TRPC4: variants seen among roughly 807,000 people sequenced by gnomAD.
The protein encoded by TRPC4 is short transient receptor potential channel 4.
TRPC4 carries 49 observed loss-of-function variants against 99.4 expected under a neutral mutation model. The ratio of observed to expected loss-of-function variants is 0.49; its 90% CI spans 0.39 to 0.63. The LOEUF (loss-of-function observed/expected upper bound fraction) is 0.63. TRPC4 is among the 20% of genes least tolerant of loss of function. The probability of loss-of-function intolerance (pLI) is 0.00; values close to 1 mark genes in which losing one functional copy is unlikely to be tolerated. For missense variants in TRPC4, 898 were observed against 1,152.9 expected (o/e 0.78, Z 3.20); for synonymous variants, 454 against 425.9 (o/e 1.07, Z -0.81).
intron 1 of TRPC4, among the ~76,000 whole-genome samples, chr13:37,804,733 C>T (rs977361556): frequency 5.3e-5 from 8 of 151,920 alleles, no homozygotes; most frequent in African/African-American, 1.4e-4. Context: ...GTACATAATG[C>T]GTTACTGTTT....
chr13:37,839,925 CA>C (rs1958686990), intron 1 of TRPC4, among the ~76,000 whole-genome samples: 1 of 152,092 alleles, frequency 6.6e-6, no homozygotes, highest in Non-Finnish European at 1.5e-5. Flanking sequence ...ATCCTCCTGC[CA>C]TAATTTACTG....
intron 1 of TRPC4, among the ~76,000 whole-genome samples, chr13:37,791,193 A>G (rs112499704): frequency 6.6e-6 from 1 of 151,930 alleles, no homozygotes; most frequent in South Asian, 2.1e-4. Context: ...GGAGTTCAAG[A>G]CCAGCCTGGC....
intron 5 of TRPC4, among the ~76,000 whole-genome samples, chr13:37,669,154 ATCT>A (rs1242650790): frequency 6.6e-6 from 1 of 152,182 alleles, no homozygotes; most frequent in Non-Finnish European, 1.5e-5. Flanking sequence ...GTTAAAACAA[ATCT>A]TCTTATTAAT....
chr13:37,720,373 T>C (rs1465438786), intron 3 of TRPC4, among the ~76,000 whole-genome samples: 1 of 152,148 alleles, frequency 6.6e-6, no homozygotes, highest in Admixed American at 6.6e-5. Context: ...GAATGCCAGA[T>C]ACTTGCCATT....
chr13:37,684,071 T>C (rs1207104485), intron 4 of TRPC4, among the ~76,000 whole-genome samples: 1 of 152,240 alleles, frequency 6.6e-6, no homozygotes, highest in East Asian at 1.9e-4. Flanking sequence ...AAAACCATTA[T>C]ATGATTATGA....
At chr13:37,686,180 G>A (rs186593902) in intron 4 of TRPC4, among the ~76,000 whole-genome samples, 195 of 152,002 alleles carry the variant, frequency 1.3e-3, no homozygotes, top group Non-Finnish European at 1.3e-3. Flanking sequence ...GAAATTCAGC[G>A]GTGAGGCTGA....
chr13:37,825,249 G>A (rs1350760148), intron 1 of TRPC4, among the ~76,000 whole-genome samples: 1 of 151,784 alleles, frequency 6.6e-6, no homozygotes, highest in Non-Finnish European at 1.5e-5. Flanking sequence ...ATTTTTTGAA[G>A]GGTTTTTTGT....
intron 1 of TRPC4, among the ~76,000 whole-genome samples, chr13:37,835,290 G>A (rs1472273767): frequency 1.3e-5 from 2 of 151,844 alleles, no homozygotes; most frequent in Non-Finnish European, 2.9e-5. Flanking sequence ...TCCTTCTGAG[G>A]GCGTTCATTG....
At chr13:37,674,141 A>G in intron 5 of TRPC4, 87 bp downstream of exon 5, 1 of 1,286,502 alleles carries the variant, frequency 7.8e-7, no homozygotes, top group Non-Finnish European at 1.0e-6. Context: ...AGCTCTAGGT[A>G]ACTTTATTAA....
intron 1 of TRPC4, among the ~76,000 whole-genome samples, chr13:37,868,634 A>T (rs1593353178): frequency 1.3e-5 from 2 of 149,458 alleles, no homozygotes; most frequent in African/African-American, 4.9e-5. Context: ...AAGTCTGTCT[A>T]TTTTTTTTTT....
At chr13:37,733,865 AT>A (rs1955315295) in intron 3 of TRPC4, among the ~76,000 whole-genome samples, 1 of 152,186 alleles carries the variant, frequency 6.6e-6, no homozygotes, top group Non-Finnish European at 1.5e-5. Flanking sequence ...ATTATTTTGG[AT>A]TTTTATAAAG....
chr13:37,861,366 G>A (rs1959309327), intron 1 of TRPC4, among the ~76,000 whole-genome samples: 1 of 151,362 alleles, frequency 6.6e-6, no homozygotes, highest in African/African-American at 2.4e-5. Context: ...CTAAAAATGG[G>A]CAATTTTCAT....
chr13:37,740,854 C>G (rs975700088), intron 3 of TRPC4, among the ~76,000 whole-genome samples: 1 of 152,174 alleles, frequency 6.6e-6, no homozygotes, highest in African/African-American at 2.4e-5. Flanking sequence ...AATCTCTTCA[C>G]ATTTTCTCCA....
Position 37,763,270 on chromosome 13 carries a change from G to C in TRPC4, c.379-16815C>G, listed in dbSNP as rs573502163. Reference sequence around the variant, plus strand: ...TATTGAGAAAATAGATGGTAAAGTAGGCAAAAAAGAAGGAGAGTGTGAAAT... The same window carrying C: ...TATTGAGAAAATAGATGGTAAAGTACGCAAAAAAGAAGGAGAGTGTGAAAT... On this transcript the variant is annotated intron_variant, in intron 2 of 10. Transcript: ENST00000379705. Among the ~76,000 whole-genome samples the C allele has an allele frequency of 2.2e-4, 33 of 151,604 alleles. 1 individual carries two copies. In the South Asian group the frequency reaches 6.9e-3, roughly 31 times the overall value.
Position 37,746,221 on chromosome 13 carries a change from T to A in TRPC4, c.613A>T (p.Ser205Cys). ...SRLNIYKALA[S>C]PSLIALSSED... The stretch of plus-strand genomic sequence containing the variant: ...CTTGACAGTGCAATGAGAGAGGGAC[T>A]GGCCAAGGCCTTGTAGATGTTGAGT... Residue 205 changes from serine (S) to cysteine (C), a missense_variant, in exon 3 of 11, where the codon AGT (serine) becomes TGT (cysteine). Transcript: ENST00000379705. 2.5e-6 allele frequency: 4 copies of A among 1,613,844 alleles called. 1 individual carries two copies. The highest frequency in any genetic ancestry group is 2.2e-5 in the South Asian group (2 of 91,088).
At chr13:37,740,948 C>T (rs941858845) in intron 3 of TRPC4, among the ~76,000 whole-genome samples, 12 of 152,012 alleles carry the variant, frequency 7.9e-5, no homozygotes, top group African/African-American at 2.9e-4. Context: ...TTTAACAATC[C>T]CATTAATGTG....
chr13:37,689,222 A>G (rs1261813617), intron 4 of TRPC4, among the ~76,000 whole-genome samples: 1 of 152,148 alleles, frequency 6.6e-6, no homozygotes, highest in East Asian at 1.9e-4. Flanking sequence ...AGATGAAGAC[A>G]CTGAAAATCC....
intron 3 of TRPC4, among the ~76,000 whole-genome samples, chr13:37,703,566 C>G (rs919710559): frequency 2.0e-5 from 3 of 151,996 alleles, no homozygotes; most frequent in African/African-American, 7.2e-5. Flanking sequence ...GGCAAATAAA[C>G]ACATGAAAAG....
At chr13:37,672,864 T>G (rs980167938) in intron 5 of TRPC4, among the ~76,000 whole-genome samples, 1 of 152,218 alleles carries the variant, frequency 6.6e-6, no homozygotes, top group Non-Finnish European at 1.5e-5. Context: ...TCCATAAAAT[T>G]GATAGAAATT....
Sources: allele counts gnomAD v4.1 joint callset (sites outside exome capture counted in the v4.1 genomes callset), GRCh38; gene constraint gnomAD v4.1.1; transcripts MANE v1.5; gene names NCBI Gene and HGNC (gene_info 2026-07-23, HGNC 2026-07-21).